The following KCNMA1 variants were observed in gnomAD, a reference collection of about 807,000 sequenced individuals.
The protein encoded by KCNMA1 is Calcium-activated potassium channel subunit alpha-1.
In KCNMA1, 29 loss-of-function variants were observed where a neutral mutation model predicts 140.0. The observed-to-expected ratio is 0.21, with a 90% CI of 0.15 to 0.28. The LOEUF is 0.28. Among genes scored for constraint, KCNMA1 ranks in the 10% least tolerant of loss-of-function variants. KCNMA1 has a pLI of 1.00. For synonymous variants in KCNMA1, 612 were observed against 611.9 expected, an observed-to-expected ratio of 1.00 and a Z score of 0.00; for missense variants, 880 against 1,602.2, an observed-to-expected ratio of 0.55 and a Z score of 7.70.
intron 9 of KCNMA1, chr10:77,090,883 C>T (rs1432862233): frequency 6.5e-6 from 2 of 309,114 alleles, no homozygotes; most frequent in Non-Finnish European, 1.2e-5. Context: ...CACAAAGCGT[C>T]CTCCGGGGAG....
chr10:77,270,753 G>A (rs985647036), intron 2 of KCNMA1, among the ~76,000 whole-genome samples: 1 of 151,550 alleles, frequency 6.6e-6, no homozygotes, highest in East Asian at 1.9e-4. Flanking sequence ...GCCTCCCAAA[G>A]TGCTGGGATT....
intron 16 of KCNMA1, chr10:77,019,944 A>T (rs1296347387): frequency 6.6e-6 from 1 of 152,180 alleles, no homozygotes; most frequent in African/African-American, 2.4e-5. Context: ...TTGTGTTTGG[A>T]CTGACAGAAG....
intron 23 of KCNMA1, among the ~76,000 whole-genome samples, chr10:76,937,963 T>C (rs7912528): frequency 6.6e-6 from 1 of 151,822 alleles, no homozygotes; most frequent in African/African-American, 2.4e-5. Flanking sequence ...CTATAAAGCA[T>C]AAAATATGGA....
In KCNMA1 at chr10:77,556,502, CAAA is replaced by C. The variant is rs11446237; in HGVS notation, c.378+80760_378+80762del. ...CCTGGACAACAGAGTGGGACTATCT[CAAA>C]AAAAAAAAAAAAAAAAAAAAAGGGA... On this transcript the variant is annotated intron_variant, in intron 1 of 27. Transcript: ENST00000286628. Among the ~76,000 whole-genome samples, 7 of 68,896 alleles carry C rather than the reference CAAA, an allele frequency of 1.0e-4. No individual in the cohort carries two copies. In the South Asian group the frequency reaches 2.3e-3, roughly 23 times the overall value. The allele number at this position is 68,896 out of a possible 152,430, so 45.2% of individuals were successfully genotyped here.
At chr10:77,061,416 A>G (rs2095745509) in intron 14 of KCNMA1, among the ~76,000 whole-genome samples, 1 of 152,246 alleles carries the variant, frequency 6.6e-6, no homozygotes, top group Non-Finnish European at 1.5e-5. Flanking sequence ...GGTGTTCAAC[A>G]TCAGTAGGGA....
Position 77,037,275 on chromosome 10 carries a change from G to A in KCNMA1, c.1859+2253C>T, listed in dbSNP as rs552410081. ...AAATCTGGCCTGGTTTAAGATATCA[G>A]GGAGGAGTAACTACATGACTATACT... On this transcript the variant is annotated intron_variant, in intron 15 of 27. Coordinates refer to ENST00000286628, the MANE Select transcript of KCNMA1 (RefSeq NM_001161352.2). Among the ~76,000 whole-genome samples the A allele has an allele frequency of 2.0e-5, 3 of 152,288 alleles. No homozygotes were observed. In the South Asian group the frequency reaches 6.2e-4, roughly 32 times the overall value.
intron 2 of KCNMA1, among the ~76,000 whole-genome samples, chr10:77,310,526 G>A (rs1442498989): frequency 1.3e-5 from 2 of 152,184 alleles, no homozygotes; most frequent in African/African-American, 4.8e-5. Flanking sequence ...GAGCAGTTAT[G>A]TGACTTGTTC....
chr10:77,126,267 T>G (rs920290095), intron 5 of KCNMA1, among the ~76,000 whole-genome samples: 1 of 152,162 alleles, frequency 6.6e-6, no homozygotes, highest in Non-Finnish European at 1.5e-5. Flanking sequence ...AGCTTCCAGG[T>G]TCAGAGAGTT....
At chr10:76,914,659 T>C (rs2051953843) in intron 24 of KCNMA1, 1 of 394,574 alleles carries the variant, frequency 2.5e-6, no homozygotes, top group Non-Finnish European at 4.8e-6. Flanking sequence ...CCATTCCCAA[T>C]TGAATGCCCC....
chr10:77,109,093 A>G (rs2097260174), intron 8 of KCNMA1, among the ~76,000 whole-genome samples: 1 of 151,916 alleles, frequency 6.6e-6, no homozygotes, highest in African/African-American at 2.4e-5. Flanking sequence ...TCAAAAGGGA[A>G]ATTTAGGAAA....
chr10:77,166,128 A>G (rs144614687), intron 5 of KCNMA1, among the ~76,000 whole-genome samples: 38 of 152,308 alleles, frequency 2.5e-4, no homozygotes, highest in Admixed American at 8.5e-4. Flanking sequence ...CTAACAAACC[A>G]GAAGTACTTG....
At chr10:77,635,163 A>G (rs1352752328) in intron 1 of KCNMA1, 1 of 152,154 alleles carries the variant, frequency 6.6e-6, no homozygotes, top group Non-Finnish European at 1.5e-5. Flanking sequence ...CCAAAAACCT[A>G]TTTTCTTGAG....
rs72805531 is a variant in KCNMA1 at position 77,099,831 on chromosome 10, C to T, written c.1223+8650G>A. The stretch of plus-strand genomic sequence containing the variant: ...GGAGTGGACCTCAGGATCACATCAG[C>T]GGATTCCCAACCCTCCCAAATCTTT... On this transcript the variant is annotated intron_variant, in intron 9 of 27. Transcript: ENST00000286628. Among the ~76,000 whole-genome samples the T allele has an allele frequency of 8.0e-3, 1,215 of 152,246 alleles. 10 individuals are homozygous for T. The highest frequency in any genetic ancestry group is 0.013 in the Non-Finnish European group (902 of 68,022).
chr10:77,493,843 C>T (rs2040831391), intron 1 of KCNMA1: 2 of 151,518 alleles, frequency 1.3e-5, no homozygotes, highest in Non-Finnish European at 3.0e-5. Flanking sequence ...TGTGAACCTC[C>T]AAAGCACTGG....
intron 3 of KCNMA1, among the ~76,000 whole-genome samples, chr10:77,197,727 C>G (rs941742961): frequency 5.3e-5 from 8 of 152,168 alleles, no homozygotes; most frequent in Non-Finnish European, 8.8e-5. Context: ...GAGGCGACAA[C>G]CGAAAGGGGG....
intron 1 of KCNMA1, among the ~76,000 whole-genome samples, chr10:77,506,672 G>A (rs2046133893): frequency 7.9e-6 from 1 of 126,414 alleles, no homozygotes; most frequent in Non-Finnish European, 1.6e-5. Context: ...AGAGAGCTTT[G>A]AAATATGAAG....
At chr10:77,088,617 T>C (rs1384237326) in intron 10 of KCNMA1, among the ~76,000 whole-genome samples, 4 of 151,806 alleles carry the variant, frequency 2.6e-5, no homozygotes. Flanking sequence ...TTTGTATAGA[T>C]GGGGTCTCAC....
At chr10:77,468,217 G>A (rs1432695352) in intron 1 of KCNMA1, among the ~76,000 whole-genome samples, 1 of 151,958 alleles carries the variant, frequency 6.6e-6, no homozygotes, top group Non-Finnish European at 1.5e-5. Flanking sequence ...CATGTGGGCC[G>A]GGCTGGTCTC....
At chr10:77,027,792 T>G (rs765970540) in intron 16 of KCNMA1, 31 bp downstream of exon 16, 12 of 1,594,334 alleles carry the variant, frequency 7.5e-6, no homozygotes, top group Non-Finnish European at 1.0e-5. Context: ...ATCAAAAGTG[T>G]CAGCTGGCTG....
Sources: allele counts gnomAD v4.1 joint callset (sites outside exome capture counted in the v4.1 genomes callset), GRCh38; gene constraint gnomAD v4.1.1; transcripts MANE v1.5; gene names NCBI Gene and HGNC (gene_info 2026-07-23, HGNC 2026-07-21).